Variants in HS6ST3 observed in about 807,000 individuals in gnomAD.
HS6ST3 encodes the protein heparan sulfate 6-O-sulfotransferase 3.
In HS6ST3, 12 loss-of-function variants were observed where a neutral mutation model predicts 36.7. That is an observed-to-expected ratio of 0.33 (90% CI 0.21 to 0.53). The LOEUF (loss-of-function observed/expected upper bound fraction) is 0.53, where lower values mean the gene tolerates loss of function less well. HS6ST3 is among the 20% of genes least tolerant of loss of function. The pLI, the probability that HS6ST3 is intolerant of heterozygous loss-of-function variation, is 0.95. For missense variants in HS6ST3, 584 were observed against 640.9 expected (o/e 0.91, Z 0.96); for synonymous variants, 240 against 257.5 (o/e 0.93, Z 0.65).
At chr13:96,795,889 A>G (rs561414513) in intron 1 of HS6ST3, among the ~76,000 whole-genome samples, 2 of 152,224 alleles carry the variant, frequency 1.3e-5, no homozygotes, top group South Asian at 4.1e-4. Context: ...TTTGAGATGA[A>G]GCCGAGTGGC....
In HS6ST3 at chr13:96,401,040, C is replaced by T. The variant is rs114444504; in HGVS notation, c.707+309471C>T. ...ATGAAACTATCACTAATTTAAAATACGTTGATTATTCAATGTTTATTTTCA... is the reference window on the plus strand; with the variant it reads ...ATGAAACTATCACTAATTTAAAATATGTTGATTATTCAATGTTTATTTTCA... On this transcript the variant is annotated intron_variant, in intron 1 of 1. Transcript: ENST00000376705. 5.1e-3 allele frequency among the ~76,000 whole-genome samples: 768 copies of T among 152,032 alleles called. 9 individuals carry two copies. Among genetic ancestry groups the T allele is most frequent in the African/African-American group, 0.018 (736 of 41,448 alleles).
intron 1 of HS6ST3, among the ~76,000 whole-genome samples, chr13:96,629,355 A>G (rs2056523969): frequency 6.6e-6 from 1 of 152,148 alleles, no homozygotes; most frequent in African/African-American, 2.4e-5. Context: ...CCAATCTTAC[A>G]TTTCAGGCCT....
At chr13:96,151,496 G>T (rs1197288555) in intron 1 of HS6ST3, among the ~76,000 whole-genome samples, 1 of 152,002 alleles carries the variant, frequency 6.6e-6, no homozygotes, top group African/African-American at 2.4e-5. Context: ...AAGTCTAGAT[G>T]GATATACGCA....
intron 1 of HS6ST3, among the ~76,000 whole-genome samples, chr13:96,381,742 G>A (rs766821060): frequency 5.1e-4 from 77 of 152,156 alleles, no homozygotes; most frequent in Non-Finnish European, 2.8e-4. Context: ...GCTCTGTCAT[G>A]TACTTGCCTT....
intron 1 of HS6ST3, among the ~76,000 whole-genome samples, chr13:96,566,235 T>C (rs2056280858): frequency 1.3e-5 from 2 of 151,852 alleles, no homozygotes; most frequent in African/African-American, 4.8e-5. Context: ...TAACATTCGG[T>C]TGATAGAAGT....
intron 1 of HS6ST3, among the ~76,000 whole-genome samples, chr13:96,240,627 G>A (rs1400511413): frequency 1.3e-5 from 2 of 152,154 alleles, no homozygotes; most frequent in Non-Finnish European, 1.5e-5. Flanking sequence ...ATCCAGACTG[G>A]TGAGAGATTG....
chr13:96,429,668 C>G (rs1489496194), intron 1 of HS6ST3, among the ~76,000 whole-genome samples: 2 of 152,250 alleles, frequency 1.3e-5, no homozygotes, highest in Admixed American at 6.5e-5. Flanking sequence ...TATTTTCAGC[C>G]CTTTAGCTGT....
At chr13:96,651,484 C>T (rs1273364128) in intron 1 of HS6ST3, among the ~76,000 whole-genome samples, 1 of 152,042 alleles carries the variant, frequency 6.6e-6, no homozygotes, top group Admixed American at 6.6e-5. Context: ...CCCTTATGCA[C>T]CCTGCTCTCC....
At chr13:96,168,787 G>T (rs1317102511) in intron 1 of HS6ST3, among the ~76,000 whole-genome samples, 2 of 151,898 alleles carry the variant, frequency 1.3e-5, no homozygotes, top group African/African-American at 4.8e-5. Flanking sequence ...AATTTTTTAT[G>T]ATAGACTCAG....
chr13:96,616,561 C>T (rs2138991976), intron 1 of HS6ST3, among the ~76,000 whole-genome samples: 1 of 152,152 alleles, frequency 6.6e-6, no homozygotes, highest in African/African-American at 2.4e-5. Context: ...AACCAGGGCC[C>T]ATAATTTTAG....
chr13:96,626,156 C>A (rs1405086903), intron 1 of HS6ST3, among the ~76,000 whole-genome samples: 1 of 152,046 alleles, frequency 6.6e-6, no homozygotes, highest in Non-Finnish European at 1.5e-5. Flanking sequence ...AAGAGAAATT[C>A]TTAATTTTAG....
At chr13:96,361,067 A>T (rs1052289688) in intron 1 of HS6ST3, among the ~76,000 whole-genome samples, 8 of 152,196 alleles carry the variant, frequency 5.3e-5, no homozygotes. Flanking sequence ...TATTAGTTAG[A>T]TAAAAGGGTT....
intron 1 of HS6ST3, among the ~76,000 whole-genome samples, chr13:96,631,286 G>A (rs191231377): frequency 6.6e-6 from 1 of 152,068 alleles, no homozygotes; most frequent in African/African-American, 2.4e-5. Flanking sequence ...TCCCCTTTGT[G>A]CCTTGATATT....
intron 1 of HS6ST3, among the ~76,000 whole-genome samples, chr13:96,321,679 C>G (rs150315066): frequency 6.6e-6 from 1 of 152,294 alleles, no homozygotes; most frequent in Non-Finnish European, 1.5e-5. Context: ...TTTAGCCCCT[C>G]TCTTGCCCTT....
intron 1 of HS6ST3, among the ~76,000 whole-genome samples, chr13:96,678,412 T>A (rs1283606326): frequency 6.6e-6 from 1 of 152,114 alleles, no homozygotes; most frequent in Non-Finnish European, 1.5e-5. Flanking sequence ...CAGTGGCTCA[T>A]GCCTGTAATC....
chr13:96,573,755 G>T, intron 1 of HS6ST3: 1 of 348,672 alleles, frequency 2.9e-6, no homozygotes, highest in Non-Finnish European at 5.5e-6. Context: ...CCAGCCCTAG[G>T]TCAGGACCTC....
At chr13:96,109,117 A>C (rs928940530) in intron 1 of HS6ST3, among the ~76,000 whole-genome samples, 1 of 152,234 alleles carries the variant, frequency 6.6e-6, no homozygotes, top group Non-Finnish European at 1.5e-5. Flanking sequence ...AAGCAGAAGC[A>C]TGAACAGTAT....
chr13:96,245,654 A>C (rs1194221377), intron 1 of HS6ST3, among the ~76,000 whole-genome samples: 1 of 152,120 alleles, frequency 6.6e-6, no homozygotes, highest in East Asian at 1.9e-4. Context: ...TTCTTTATCC[A>C]TTAGGTACCC....
At chr13:96,453,180 TAAAAAAA>T (rs56996268) in intron 1 of HS6ST3, among the ~76,000 whole-genome samples, 1 of 135,818 alleles carries the variant, frequency 7.4e-6, no homozygotes, top group African/African-American at 2.7e-5. Context: ...ATGCTCTTTT[TAAAAAAA>T]AAAAAAAAAG....
Sources: allele counts gnomAD v4.1 joint callset (sites outside exome capture counted in the v4.1 genomes callset), GRCh38; gene constraint gnomAD v4.1.1; transcripts MANE v1.5; gene names NCBI Gene and HGNC (gene_info 2026-07-23, HGNC 2026-07-21).